The following TCEANC2 variants were observed in gnomAD, a reference collection of about 807,000 sequenced individuals.
TCEANC2 encodes the protein transcription elongation factor A N-terminal and central domain-containing protein 2.
In TCEANC2, 20 loss-of-function variants were observed where a neutral mutation model predicts 22.8. The ratio of observed to expected loss-of-function variants is 0.88; its 90% CI spans 0.62 to 1.28. TCEANC2 has a LOEUF of 1.28. Ranked by LOEUF, TCEANC2 falls within the 50% of genes most tolerant of loss-of-function variation. The pLI is 0.00. For missense variants in TCEANC2, 251 were observed against 249.7 expected (o/e 1.01, Z -0.03); for synonymous variants, 84 against 95.5 (o/e 0.88, Z 0.70).
intron 3 of TCEANC2, among the ~76,000 whole-genome samples, chr1:54,069,326 G>T (rs1208371863): frequency 6.6e-6 from 1 of 152,136 alleles, no homozygotes; most frequent in East Asian, 1.9e-4. Context: ...TTAGGATTTG[G>T]GCTGGGTGTG....
chr1:54,070,211 T>G (rs578085767), intron 3 of TCEANC2, among the ~76,000 whole-genome samples: 17 of 152,208 alleles, frequency 1.1e-4, no homozygotes, highest in Non-Finnish European at 2.2e-4. Context: ...TCCCATCTGC[T>G]GCTGGATTTT....
Position 54,100,344 on chromosome 1 carries a change from A to G in TCEANC2, c.*3871A>G, listed in dbSNP as rs547043133. 5.9e-5 allele frequency: 9 copies of G among 152,254 alleles called. No individual in the cohort carries two copies. The East Asian group carries it at 1.7e-3, about 29-fold the overall frequency. The allele number at this position is 152,254 out of a possible 1,614,324, so 9.4% of individuals were successfully genotyped here. On this transcript the variant is annotated 3_prime_UTR_variant, in exon 5 of 5. Transcript: ENST00000234827. ...TTTTCATTCATTCATTCAACAAACAAATATTGCCCATCTTCTGTGTGCCAA... is the reference window on the plus strand; with the variant it reads ...TTTTCATTCATTCATTCAACAAACAGATATTGCCCATCTTCTGTGTGCCAA...
intron 2 of TCEANC2, among the ~76,000 whole-genome samples, chr1:54,060,404 CAAAA>C (rs1204211675): frequency 2.4e-5 from 3 of 127,404 alleles, no homozygotes; most frequent in African/African-American, 8.7e-5. Context: ...GACTCCATCT[CAAAA>C]AAAAAAAAAA....
Position 54,096,677 on chromosome 1 carries a change from T to C in TCEANC2, c.*204T>C. The C allele has an allele frequency of 7.9e-7, 1 of 1,260,998 alleles. No homozygotes were observed. Among genetic ancestry groups the C allele is most frequent in the Non-Finnish European group, 1.0e-6 (1 of 975,926 alleles). The allele number at this position is 1,260,998 out of a possible 1,614,324, so 78.1% of individuals were successfully genotyped here. On this transcript the variant is annotated 3_prime_UTR_variant, in exon 5 of 5. Coordinates refer to ENST00000234827, the MANE Select transcript of TCEANC2 (RefSeq NM_153035.3). This position sits in a 1 kb window ranked among gnomAD's most constrained non-coding sequence, Gnocchi z 4.9. ...TGCTTCATTAGCTGCAGTGCGCTGG[T>C]GCTGCCTAACAGAACGCACACTGGC...
At position 54,105,990 on chromosome 1, in the gene TCEANC2, AT is replaced by A. The variant is rs1276245016; in HGVS notation, c.*9519del. 1.3e-5 allele frequency: 2 copies of A among 152,242 alleles called. No individual in the cohort carries two copies. The highest frequency in any genetic ancestry group is 4.8e-5 in the African/African-American group (2 of 41,456). The allele number at this position is 152,242 out of a possible 1,614,324, so 9.4% of individuals were successfully genotyped here. Reference sequence around the variant, plus strand: ...GAGCCACATGGTCTCTGTCACAACTATTCAGCTCTGCTATTGTAATACAAAA... The same window carrying A: ...GAGCCACATGGTCTCTGTCACAACTATCAGCTCTGCTATTGTAATACAAAA... On this transcript the variant is annotated 3_prime_UTR_variant, in exon 5 of 5. Transcript: ENST00000234827.
intron 3 of TCEANC2, among the ~76,000 whole-genome samples, chr1:54,079,890 C>T (rs1182584508): frequency 6.6e-6 from 1 of 152,116 alleles, no homozygotes; most frequent in Non-Finnish European, 1.5e-5. Context: ...CACTCTACTT[C>T]TTGTGTTATT....
intron 4 of TCEANC2, among the ~76,000 whole-genome samples, chr1:54,095,345 G>A (rs1460853233): frequency 6.6e-6 from 1 of 152,102 alleles, no homozygotes; most frequent in Non-Finnish European, 1.5e-5. Context: ...ATGTGCTGGT[G>A]CAGAGGCACA....
At chr1:54,065,325 C>T (rs147041958) in intron 2 of TCEANC2, among the ~76,000 whole-genome samples, 2 of 152,086 alleles carry the variant, frequency 1.3e-5, no homozygotes, top group Admixed American at 6.5e-5. Context: ...GAGAAAAGTA[C>T]ATAAGGGATA....
At chr1:54,094,455 C>A (rs1658506447) in intron 4 of TCEANC2, among the ~76,000 whole-genome samples, 1 of 152,210 alleles carries the variant, frequency 6.6e-6, no homozygotes, top group Non-Finnish European at 1.5e-5. Flanking sequence ...TTTCACCTAG[C>A]CAGATCCTAC....
Position 54,071,209 on chromosome 1 carries a change from A to G in TCEANC2, c.244+2312A>G, listed in dbSNP as rs183728139. Among the ~76,000 whole-genome samples the G allele has an allele frequency of 7.6e-4, 116 of 152,352 alleles. 1 individual carries two copies. Among genetic ancestry groups the G allele is most frequent in the Admixed American group, 2.2e-3 (33 of 15,302 alleles). On this transcript the variant is annotated intron_variant, in intron 3 of 4. Coordinates refer to ENST00000234827, the MANE Select transcript of TCEANC2 (RefSeq NM_153035.3). ...GTCTTGGCATATGTATTAGTTATCTATCACTGTGTAAAAATTACTCTAAAA... is the reference window on the plus strand; with the variant it reads ...GTCTTGGCATATGTATTAGTTATCTGTCACTGTGTAAAAATTACTCTAAAA...
In TCEANC2 at chr1:54,104,903, G is replaced by GC; in HGVS notation, c.*8431dup. ...CCAGACCGTGACCTGAGCAGGATAT[G>GC]CTGACTTCAGGCTCAGCCCCCTCAG... On this transcript the variant is annotated 3_prime_UTR_variant, in exon 5 of 5. Coordinates refer to ENST00000234827, the MANE Select transcript of TCEANC2 (RefSeq NM_153035.3). 1 of 256,382 alleles carries GC rather than the reference G, an allele frequency of 3.9e-6. No homozygotes were observed. Among genetic ancestry groups the GC allele is most frequent in the South Asian group, 4.3e-5 (1 of 23,156 alleles). 15.9% of individuals were successfully genotyped at this position (256,382 alleles called of 1,614,324 possible). A position where few individuals can be genotyped will look rare whatever the true frequency, so the allele number is the denominator to read the frequency against.
intron 4 of TCEANC2, chr1:54,089,976 G>A: frequency 4.3e-6 from 3 of 702,860 alleles, no homozygotes; most frequent in Non-Finnish European, 7.9e-6. Context: ...TGGTAGTGCT[G>A]TATTAGCTAG....
downstream of TCEANC2, among the ~76,000 whole-genome samples, chr1:54,109,402 G>A (rs1658808278): frequency 6.6e-6 from 1 of 152,196 alleles, no homozygotes; most frequent in African/African-American, 2.4e-5. Flanking sequence ...AGGAGGTAGA[G>A]GCCAGTATGT....
At chr1:54,070,246 G>A (rs72664136) in intron 3 of TCEANC2, among the ~76,000 whole-genome samples, 6,744 of 152,202 alleles carry the variant, frequency 0.044, 218 homozygotes, top group Non-Finnish European at 0.071. Context: ...TAATCACTAG[G>A]GGGCAATAAG....
At chr1:54,061,245 T>C (rs547313266) in intron 2 of TCEANC2, among the ~76,000 whole-genome samples, 3 of 152,372 alleles carry the variant, frequency 2.0e-5, no homozygotes, top group African/African-American at 7.2e-5. Flanking sequence ...ATGAGCATTA[T>C]GTTTTAATGC....
At chr1:54,068,683 AT>A (rs1557688034) in intron 2 of TCEANC2, 72 bp from the exon 3 acceptor site, 3 of 1,466,118 alleles carry the variant, frequency 2.0e-6, no homozygotes, top group Non-Finnish European at 2.7e-6. Context: ...TAGGAGCCCC[AT>A]TAGCTCAGGT....
intron 2 of TCEANC2, among the ~76,000 whole-genome samples, chr1:54,065,613 G>A (rs1657939815): frequency 6.6e-6 from 1 of 152,074 alleles, no homozygotes; most frequent in Non-Finnish European, 1.5e-5. Context: ...AGCTACTTGG[G>A]AGACTGAGGT....
chr1:54,077,446 TATCCAA>T (rs1658163566), intron 3 of TCEANC2, among the ~76,000 whole-genome samples: 1 of 152,156 alleles, frequency 6.6e-6, no homozygotes, highest in Non-Finnish European at 1.5e-5. Flanking sequence ...AATTTCATAC[TATCCAA>T]ATCCAATGGT....
chr1:54,088,772 A>G lies in TCEANC2; in HGVS notation c.420A>G (p.Ser140=), dbSNP rs1658388356. The G allele has an allele frequency of 1.3e-6, 2 of 1,589,394 alleles. No individual in the cohort carries two copies. Among genetic ancestry groups the G allele is most frequent in the Non-Finnish European group, 1.7e-6 (2 of 1,168,582 alleles). ...SLRKNAQKLL[S]EALELKMDHL... is the part of the protein sequence containing the mutation. ...GGAAAAATGCTCAGAAATTACTCTC[A>G]GAAGCCTTGGAATTAAAGGTAATGC... Residue 140 remains serine (S), a synonymous_variant, in exon 4 of 5, where the codon TCA becomes TCG. Transcript: ENST00000234827.
Sources: allele counts gnomAD v4.1 joint callset (sites outside exome capture counted in the v4.1 genomes callset), GRCh38; gene constraint gnomAD v4.1.1; non-coding constraint Gnocchi (gnomAD v3.1); transcripts MANE v1.5; gene names NCBI Gene and HGNC (gene_info 2026-07-23, HGNC 2026-07-21).